CUL3: variants seen among roughly 807,000 people sequenced by gnomAD.
CUL3 encodes cullin-3.
CUL3 carries 19 observed loss-of-function variants against 89.1 expected under a neutral mutation model. That is an observed-to-expected ratio of 0.21 (90% confidence interval 0.15 to 0.31). CUL3 has a LOEUF of 0.31. Among genes scored for constraint, CUL3 ranks in the 10% least tolerant of loss-of-function variants. CUL3 has a pLI of 1.00. For synonymous variants in CUL3, 351 were observed against 308.4 expected, an observed-to-expected ratio of 1.14 and a Z score of -1.45; for missense variants, 469 against 942.3, an observed-to-expected ratio of 0.50 and a Z score of 6.58.
intron 1 of CUL3, among the ~76,000 whole-genome samples, chr2:224,558,451 C>G (rs1287976161): frequency 6.6e-6 from 1 of 152,126 alleles, no homozygotes; most frequent in African/African-American, 2.4e-5. Flanking sequence ...AAAATAAAAA[C>G]AACCCGATGA....
chr2:224,584,976 T>C lies in CUL3; in HGVS notation c.34A>G (p.Lys12Glu). 1.3e-6 allele frequency: 2 copies of C among 1,507,798 alleles called. No homozygotes were observed. Among genetic ancestry groups the C allele is most frequent in the Non-Finnish European group, 9.0e-7 (1 of 1,117,082 alleles). The allele number at this position is 1,507,798 out of a possible 1,614,324, so 93.4% of individuals were successfully genotyped here. A position where few individuals can be genotyped will look rare whatever the true frequency, so the allele number is the denominator to read the frequency against. ...SNLSKGTGSR[K>E]DTKMRIRAFP... ...GCCCGGATCCGCATCTTGGTGTCCT[T>C]CCGGCTGCCCGTGCCTTTGCTCAGA... is the stretch of plus-strand genomic sequence containing the variant. The change falls in exon 1 of 16, where the codon AAG becomes GAG. Residue 12 changes from lysine (K) to glutamate (E), a missense_variant. Physicochemically the swap from Lys to Glu is moderately conservative, Grantham distance 56 (BLOSUM62 1). Around this residue, in one of 4 missense-constraint regions of CUL3, gnomAD observed 32 missense variants for 29.7 expected, o/e 1.08. Coordinates refer to ENST00000264414, the MANE Select transcript of CUL3 (RefSeq NM_003590.5).
chr2:224,554,466 A>G (rs923652942), intron 2 of CUL3, among the ~76,000 whole-genome samples: 1 of 152,194 alleles, frequency 6.6e-6, no homozygotes, highest in Non-Finnish European at 1.5e-5. Context: ...CTACAACTTG[A>G]TCATTCTACC....
intron 3 of CUL3, among the ~76,000 whole-genome samples, chr2:224,525,359 G>A (rs1693432205): frequency 6.6e-6 from 1 of 152,196 alleles, no homozygotes; most frequent in South Asian, 2.1e-4. Flanking sequence ...TTCAGTAAAT[G>A]TATGATTTTG....
chr2:224,539,884 T>C (rs1270436315), intron 2 of CUL3, among the ~76,000 whole-genome samples: 1 of 152,124 alleles, frequency 6.6e-6, no homozygotes, highest in Non-Finnish European at 1.5e-5. Context: ...ACTGAGTTCA[T>C]TCCAAAAGTG....
intron 1 of CUL3, among the ~76,000 whole-genome samples, chr2:224,559,127 G>C (rs928700110): frequency 6.6e-6 from 1 of 151,760 alleles, no homozygotes; most frequent in African/African-American, 2.4e-5. Context: ...TTTTCCTCTG[G>C]TAGATAATTT....
intron 7 of CUL3, among the ~76,000 whole-genome samples, chr2:224,506,345 T>A (rs1192151409): frequency 6.6e-6 from 1 of 152,146 alleles, no homozygotes; most frequent in African/African-American, 2.4e-5. Context: ...TATGTATTAA[T>A]ACAATGCAAA....
intron 3 of CUL3, among the ~76,000 whole-genome samples, chr2:224,523,850 A>C (rs1693360984): frequency 2.0e-5 from 3 of 152,232 alleles, no homozygotes; most frequent in Admixed American, 2.0e-4. Flanking sequence ...TACATGAGGT[A>C]ATGAGTGATC....
chr2:224,566,987 C>CT (rs1178451900), intron 1 of CUL3, among the ~76,000 whole-genome samples: 2 of 152,320 alleles, frequency 1.3e-5, no homozygotes, highest in Admixed American at 1.3e-4. Context: ...ATCTAGTACA[C>CT]ATCAAGCAAT....
Position 224,548,551 on chromosome 2 carries a change from T to C in CUL3, c.264+9108A>G, listed in dbSNP as rs574564901. Reference sequence around the variant, plus strand: ...AAGTTCAATAATTTTTATAGGTTCATTTATGAGGTTACCATGTTATTTGAT... The same window carrying C: ...AAGTTCAATAATTTTTATAGGTTCACTTATGAGGTTACCATGTTATTTGAT... On this transcript the variant is annotated intron_variant, in intron 2 of 15. Coordinates refer to ENST00000264414, the MANE Select transcript of CUL3 (RefSeq NM_003590.5). 1.2e-4 allele frequency among the ~76,000 whole-genome samples: 19 copies of C among 152,324 alleles called. No homozygotes were observed. In the South Asian group the frequency reaches 3.9e-3, roughly 32 times the overall value.
At chr2:224,577,631 CTT>C (rs1695333395) in intron 1 of CUL3, among the ~76,000 whole-genome samples, 1 of 151,346 alleles carries the variant, frequency 6.6e-6, no homozygotes, top group Admixed American at 6.6e-5. Flanking sequence ...AGCCCACACT[CTT>C]AACTACTATG....
At chr2:224,562,065 T>C (rs1294099072) in intron 1 of CUL3, among the ~76,000 whole-genome samples, 3 of 152,202 alleles carry the variant, frequency 2.0e-5, no homozygotes, top group Non-Finnish European at 4.4e-5. Context: ...AGTATTAAAA[T>C]GTCTCTACCC....
Position 224,550,599 on chromosome 2 carries a change from A to C in CUL3, c.264+7060T>G, listed in dbSNP as rs574740219. On this transcript the variant is annotated intron_variant, in intron 2 of 15. Transcript: ENST00000264414. ...CTTTGTCTGCCCCACCGTATCAGAA[A>C]ATTAAATCACCTAGCCTAGCCAAGA... Among the ~76,000 whole-genome samples, 6 of 152,336 alleles carry C rather than the reference A, an allele frequency of 3.9e-5. No homozygotes were observed. The South Asian group carries it at 1.2e-3, about 32-fold the overall frequency.
intron 2 of CUL3, among the ~76,000 whole-genome samples, chr2:224,543,572 G>A (rs1475156520): frequency 1.3e-5 from 2 of 152,068 alleles, no homozygotes; most frequent in Admixed American, 6.6e-5. Flanking sequence ...CAGATTTTCG[G>A]TTTTTTCAGA....
chr2:224,506,595 A>G (rs919706446), intron 7 of CUL3, among the ~76,000 whole-genome samples: 1 of 152,208 alleles, frequency 6.6e-6, no homozygotes, highest in Non-Finnish European at 1.5e-5. Context: ...ATACCAAAGA[A>G]CCTCACATTC....
chr2:224,474,178 T>C lies in CUL3; in HGVS notation c.*67A>G, dbSNP rs1487135074. On this transcript the variant is annotated 3_prime_UTR_variant, in exon 16 of 16. Coordinates refer to ENST00000264414, the MANE Select transcript of CUL3 (RefSeq NM_003590.5). ...AGATGGTCGTCTTAATATTTAATGA[T>C]TTAAAAGAACTTCCCAGTCCATGCG... The C allele has an allele frequency of 2.7e-6, 4 of 1,502,542 alleles. No homozygotes were observed. Among genetic ancestry groups the C allele is most frequent in the Admixed American group, 4.1e-5 (2 of 48,792 alleles). 93.1% of individuals were successfully genotyped at this position (1,502,542 alleles called of 1,614,324 possible). A position where few individuals can be genotyped will look rare whatever the true frequency, so the allele number is the denominator to read the frequency against.
intron 2 of CUL3, among the ~76,000 whole-genome samples, chr2:224,555,345 C>T (rs1694661191): frequency 6.6e-6 from 1 of 152,138 alleles, no homozygotes; most frequent in Non-Finnish European, 1.5e-5. Flanking sequence ...TTTCTGACAT[C>T]ATCCATTCAT....
chr2:224,505,684 T>C (rs1692573268), intron 8 of CUL3: 1 of 199,656 alleles, frequency 5.0e-6, no homozygotes, highest in Non-Finnish European at 1.0e-5. Context: ...GAGCCTCCTG[T>C]CTTGGCCTCC....
chr2:224,500,619 T>G, intron 10 of CUL3, 132 bp from the exon 11 acceptor site: 1 of 818,174 alleles, frequency 1.2e-6, no homozygotes, highest in Non-Finnish European at 1.7e-6. Context: ...AAAAGCAGAT[T>G]TTCTTTTCTT....
rs1263786821 is a variant in CUL3 at position 224,557,873 on chromosome 2, AGAG to A, written c.67-20_67-18del. On this transcript the variant is annotated intron_variant, in intron 1 of 15. Transcript: ENST00000264414. ...CATGGTCATCTGTAATATCCAAGAG[AGAG>A]AAGAGACAAAAAAAAAAAAAAAAAA... 4.0e-6 allele frequency: 3 copies of A among 758,294 alleles called. No homozygotes were observed. Among genetic ancestry groups the A allele is most frequent in the South Asian group, 1.6e-5 (1 of 61,902 alleles). 47.0% of individuals were successfully genotyped at this position (758,294 alleles called of 1,614,324 possible).
Sources: gnomAD v4.1 joint callset for allele counts (sites outside exome capture counted in the v4.1 genomes callset) on GRCh38, gnomAD v4.1.1 for gene constraint, gnomAD v4.1.1 regional missense constraint, MANE v1.5 for transcripts, NCBI Gene and HGNC (gene_info 2026-07-23, HGNC 2026-07-21) for gene names.